RALGAPA2: variants seen among roughly 807,000 people sequenced by gnomAD.
RALGAPA2 encodes the protein ral GTPase-activating protein subunit alpha-2.
A neutral mutation model predicts 230.4 loss-of-function variants in RALGAPA2; 139 were observed. The ratio of observed to expected loss-of-function variants is 0.60; its 90% CI spans 0.53 to 0.69. RALGAPA2 has a LOEUF of 0.69. Among genes scored for constraint, RALGAPA2 ranks in the 30% least tolerant of loss-of-function variants. The pLI is 0.00. For synonymous variants in RALGAPA2, 847 were observed against 837.8 expected, an observed-to-expected ratio of 1.01 and a Z score of -0.19; for missense variants, 2,163 against 2,276.0, an observed-to-expected ratio of 0.95 and a Z score of 1.01.
chr20:20,689,354 A>T (rs2068817751), intron 1 of RALGAPA2, among the ~76,000 whole-genome samples: 1 of 152,252 alleles, frequency 6.6e-6, no homozygotes, highest in Non-Finnish European at 1.5e-5. Flanking sequence ...TTTCTAAAAA[A>T]TAAAATAAGA....
chr20:20,451,413 A>G (rs1402236374), intron 37 of RALGAPA2, among the ~76,000 whole-genome samples: 2 of 152,106 alleles, frequency 1.3e-5, no homozygotes, highest in South Asian at 2.1e-4. Context: ...AAAAAAATCT[A>G]TATTACCCTC....
intron 37 of RALGAPA2, 104 bp from the exon 38 acceptor site, chr20:20,412,252 A>C: frequency 7.0e-7 from 1 of 1,424,614 alleles, no homozygotes; most frequent in Non-Finnish European, 9.7e-7. Flanking sequence ...TGTGTAAAAA[A>C]GTATCCTGCA....
At chr20:20,636,121 C>G (rs904603563) in intron 8 of RALGAPA2, among the ~76,000 whole-genome samples, 2 of 152,108 alleles carry the variant, frequency 1.3e-5, no homozygotes, top group Non-Finnish European at 2.9e-5. Context: ...ATATCATCTA[C>G]TTTATATTTA....
intron 3 of RALGAPA2, among the ~76,000 whole-genome samples, chr20:20,659,065 C>G (rs112824199): frequency 6.6e-6 from 1 of 152,026 alleles, no homozygotes; most frequent in Non-Finnish European, 1.5e-5. Context: ...AAATGCTGAC[C>G]GAGAAGAAAA....
chr20:20,502,873 G>A (rs2062418184), intron 35 of RALGAPA2, among the ~76,000 whole-genome samples: 1 of 152,202 alleles, frequency 6.6e-6, no homozygotes, highest in South Asian at 2.1e-4. Flanking sequence ...CTGCAGGTTG[G>A]AAAGTAAAGG....
chr20:20,512,967 C>G lies in RALGAPA2; in HGVS notation c.4402G>C (p.Gly1468Arg). ...ACCTTACCATCCCAAGAGTACTTCC[C>G]TGAGATATCCCTCACAATTACTCTC... is the stretch of plus-strand genomic sequence containing the variant. ...DVRVIVRDISGKYSWDGKVLY... is the reference protein window; with the variant it reads ...DVRVIVRDISRKYSWDGKVLY... The change falls in exon 32 of 40, where the codon GGG becomes CGG. Residue 1468 changes from glycine (G) to arginine (R), a missense_variant. Transcript: ENST00000202677. 6.2e-7 allele frequency: 1 copy of G among 1,613,756 alleles called. No homozygotes were observed. Among genetic ancestry groups the G allele is most frequent in the Non-Finnish European group, 8.5e-7 (1 of 1,179,694 alleles).
chr20:20,441,073 C>T (rs1206535488), intron 37 of RALGAPA2, among the ~76,000 whole-genome samples: 3 of 152,220 alleles, frequency 2.0e-5, no homozygotes, highest in Admixed American at 1.3e-4. Flanking sequence ...AGCAGTGTAG[C>T]TCTGCCTTCA....
intron 27 of RALGAPA2, among the ~76,000 whole-genome samples, chr20:20,528,019 C>T (rs2063264707): frequency 6.6e-6 from 1 of 152,100 alleles, no homozygotes; most frequent in Non-Finnish European, 1.5e-5. Flanking sequence ...GGAAAACAGG[C>T]AGAGAGAAGG....
At chr20:20,520,481 T>C (rs2063005300) in intron 31 of RALGAPA2, among the ~76,000 whole-genome samples, 1 of 152,186 alleles carries the variant, frequency 6.6e-6, no homozygotes, top group Non-Finnish European at 1.5e-5. Context: ...TCTCTTTTTA[T>C]GATGCTCTCC....
chr20:20,491,531 T>A (rs2062057631), intron 36 of RALGAPA2, among the ~76,000 whole-genome samples: 1 of 152,172 alleles, frequency 6.6e-6, no homozygotes, highest in Non-Finnish European at 1.5e-5. Context: ...AATATTACTT[T>A]CCAGATACTG....
chr20:20,556,302 G>A (rs1288462033), intron 23 of RALGAPA2, among the ~76,000 whole-genome samples: 1 of 152,146 alleles, frequency 6.6e-6, no homozygotes, highest in Admixed American at 6.5e-5. Context: ...AGATCAAGAG[G>A]GGCTGCTGTC....
At chr20:20,670,449 A>G (rs2068095029) in intron 3 of RALGAPA2, among the ~76,000 whole-genome samples, 1 of 152,202 alleles carries the variant, frequency 6.6e-6, no homozygotes, top group Non-Finnish European at 1.5e-5. Flanking sequence ...AAAACTGGGA[A>G]GACCAAACCT....
intron 26 of RALGAPA2, among the ~76,000 whole-genome samples, chr20:20,535,238 T>G (rs1168637172): frequency 6.6e-6 from 1 of 152,114 alleles, no homozygotes; most frequent in African/African-American, 2.4e-5. Flanking sequence ...GGTCTTCACG[T>G]TGGGAGGAGA....
chr20:20,471,994 A>G (rs1479586659), intron 37 of RALGAPA2: 3 of 152,208 alleles, frequency 2.0e-5, no homozygotes, highest in South Asian at 2.1e-4. Flanking sequence ...GTCAAACACA[A>G]TATGTTTCAA....
At chr20:20,411,314 A>G (rs1347486042) in intron 38 of RALGAPA2, among the ~76,000 whole-genome samples, 1 of 152,226 alleles carries the variant, frequency 6.6e-6, no homozygotes, top group Non-Finnish European at 1.5e-5. Flanking sequence ...AGAAACACAC[A>G]GTAATCACAT....
At chr20:20,409,262 T>G (rs1164590078) in intron 38 of RALGAPA2, among the ~76,000 whole-genome samples, 1 of 152,220 alleles carries the variant, frequency 6.6e-6, no homozygotes, top group East Asian at 1.9e-4. Flanking sequence ...AGGCTGATTT[T>G]GGGGCTTTCC....
chr20:20,405,768 CT>C, intron 38 of RALGAPA2, among the ~76,000 whole-genome samples: 1 of 152,322 alleles, frequency 6.6e-6, no homozygotes, highest in Non-Finnish European at 1.5e-5. Flanking sequence ...TATCAGATTT[CT>C]TGTCGGTGGC....
At chr20:20,679,061 T>C (rs1387172385) in intron 2 of RALGAPA2, among the ~76,000 whole-genome samples, 2 of 152,202 alleles carry the variant, frequency 1.3e-5, no homozygotes, top group Non-Finnish European at 2.9e-5. Flanking sequence ...ACTCTCTTTC[T>C]CTGTATATAC....
intron 26 of RALGAPA2, among the ~76,000 whole-genome samples, chr20:20,534,514 C>T (rs138919630): frequency 1.5e-3 from 228 of 148,826 alleles, no homozygotes; most frequent in African/African-American, 5.5e-3. Context: ...TTAGGTGAAA[C>T]AGGCAAATTC....
Sources: gnomAD v4.1 joint callset for allele counts (sites outside exome capture counted in the v4.1 genomes callset) on GRCh38, gnomAD v4.1.1 for gene constraint, MANE v1.5 for transcripts, NCBI Gene and HGNC (gene_info 2026-07-23, HGNC 2026-07-21) for gene names.